The following USF3 variants were observed in gnomAD, a reference collection of about 807,000 sequenced individuals.
The protein encoded by USF3 is basic helix-loop-helix domain-containing protein USF3.
Under a neutral mutation model 157.5 loss-of-function variants are expected in USF3, and 29 were observed. That is an observed-to-expected ratio of 0.18 (90% CI 0.14 to 0.25). USF3 has a LOEUF of 0.25. USF3 is among the 10% of genes least tolerant of loss of function. The pLI is 1.00. For missense variants in USF3, 2,381 were observed against 2,667.6 expected (o/e 0.89, Z 2.37); for synonymous variants, 893 against 941.4 (o/e 0.95, Z 0.94).
At chr3:113,677,138 G>A (rs1314075476) in intron 2 of USF3, 144 bp downstream of exon 2, 1 of 152,172 alleles carries the variant, frequency 6.6e-6, no homozygotes, top group Admixed American at 6.5e-5. Flanking sequence ...ATGTCCAGCA[G>A]CTTATTCCTA....
At chr3:113,688,111 GC>G (rs1707598019) in intron 1 of USF3, among the ~76,000 whole-genome samples, 1 of 151,662 alleles carries the variant, frequency 6.6e-6, no homozygotes, top group African/African-American at 2.4e-5. Context: ...TGCAGGGAAG[GC>G]CCCCACTTTC....
Position 113,660,357 on chromosome 3 carries a change from G to T in USF3, c.1325C>A (p.Thr442Asn). 1 of 1,614,204 alleles carries T rather than the reference G, an allele frequency of 6.2e-7. No homozygotes were observed. The change falls in exon 7 of 7, where the codon ACT becomes AAT. Residue 442 changes from threonine (T) to asparagine (N), a missense_variant. Coordinates refer to ENST00000316407, the MANE Select transcript of USF3 (RefSeq NM_001009899.4). ...TGGTGTCTGGCTTAAGGGCTGAATA[G>T]TGTTTCCTGCCAGTTGCAAAGTAGT... ...TWTTLQLAGN[T>N]IQPLSQTPSS...
At chr3:113,677,651 C>G (rs1292547461) in intron 1 of USF3, among the ~76,000 whole-genome samples, 2 of 152,218 alleles carry the variant, frequency 1.3e-5, no homozygotes, top group African/African-American at 4.8e-5. Context: ...AGGGGATTCT[C>G]TGTTTTCTCT....
intron 2 of USF3, among the ~76,000 whole-genome samples, chr3:113,676,926 G>A (rs1707295522): frequency 6.6e-6 from 1 of 152,116 alleles, no homozygotes; most frequent in Admixed American, 6.6e-5. Context: ...AATTTTGCGG[G>A]TACAGCACAA....
Position 113,648,864 on chromosome 3 carries a change from T to C in USF3, c.*6080A>G, listed in dbSNP as rs965700067. ...TTATGTTCTCCTCAGATTTTTCAAC[T>C]TTTTTTTACCAAAGTGAAAATATAT... is the stretch of plus-strand genomic sequence containing the variant. On this transcript the variant is annotated 3_prime_UTR_variant, in exon 7 of 7. Transcript: ENST00000316407. The C allele has an allele frequency of 6.6e-6, 1 of 152,032 alleles. No homozygotes were observed. Among genetic ancestry groups the C allele is most frequent in the African/African-American group, 2.4e-5 (1 of 41,312 alleles). The allele number at this position is 152,032 out of a possible 1,614,324, so 9.4% of individuals were successfully genotyped here.
At position 113,659,472 on chromosome 3, in the gene USF3, G is replaced by T; in HGVS notation, c.2210C>A (p.Ser737Tyr). Residue 737 changes from serine (S) to tyrosine (Y), a missense_variant, in exon 7 of 7, where the codon TCT becomes TAT. By Grantham distance (144) the Ser-to-Tyr change is moderately radical (BLOSUM62 -2). Around this residue, in one of 6 missense-constraint regions of USF3, gnomAD observed 1,435 missense variants for 1,550.9 expected, o/e 0.93. Transcript: ENST00000316407. ...GGTTTGACTATTTGCAGCAGTTTGA[G>T]AATTGGCAGGCTGGCTAATAGACAA... ...VQLSISQPAN[S>Y]QTAANSQTTT... is the part of the protein sequence containing the mutation. 6.2e-7 allele frequency: 1 copy of T among 1,614,244 alleles called. No individual in the cohort carries two copies. The highest frequency in any genetic ancestry group is 8.5e-7 in the Non-Finnish European group (1 of 1,180,038).
At chr3:113,688,139 G>A (rs1300378368) in intron 1 of USF3, among the ~76,000 whole-genome samples, 1 of 149,288 alleles carries the variant, frequency 6.7e-6, no homozygotes, top group Admixed American at 6.6e-5. Flanking sequence ...TTTTTTTTGA[G>A]ACGGAGTCTC....
intron 4 of USF3, among the ~76,000 whole-genome samples, chr3:113,670,799 T>C (rs1292843713): frequency 1.3e-5 from 2 of 152,134 alleles, no homozygotes; most frequent in Non-Finnish European, 2.9e-5. Flanking sequence ...CAGGCTGGAG[T>C]GCAGCAGTGC....
rs752858659 is a variant in USF3 at position 113,658,648 on chromosome 3, C to A, written c.3034G>T (p.Ala1012Ser). 4 of 1,612,632 alleles carry A rather than the reference C, an allele frequency of 2.5e-6. No individual in the cohort carries two copies. The highest frequency in any genetic ancestry group is 3.4e-6 in the Non-Finnish European group (4 of 1,179,658). The stretch of plus-strand genomic sequence containing the variant: ...GATTTCTGAGGGTTTTTTTTTTTAG[C>A]AAGATCAGATAGCAATGTAGTTAAA... ...QGLTTLLSDL[A>S]KKKNPQKSSL... is the part of the protein sequence containing the mutation. The change falls in exon 7 of 7, where the codon GCT becomes TCT. Residue 1012 changes from alanine to serine, a missense_variant. Around this residue, in one of 6 missense-constraint regions of USF3, gnomAD observed 1,435 missense variants for 1,550.9 expected, o/e 0.93. Coordinates refer to ENST00000316407, the MANE Select transcript of USF3 (RefSeq NM_001009899.4).
At chr3:113,682,088 C>A (rs1257676356) in intron 1 of USF3, among the ~76,000 whole-genome samples, 1 of 152,110 alleles carries the variant, frequency 6.6e-6, no homozygotes, top group African/African-American at 2.4e-5. Context: ...CTTTGGGAGG[C>A]AGAAGTGGGA....
rs1469623580 is a variant in USF3 at position 113,657,522 on chromosome 3, A to C, written c.4160T>G (p.Val1387Gly). The change falls in exon 7 of 7, where the codon GTG becomes GGG. Residue 1387 changes from valine (V) to glycine (G), a missense_variant. Val to Gly is a moderately radical substitution (Grantham distance 109). Around this residue, in one of 6 missense-constraint regions of USF3, gnomAD observed 1,435 missense variants for 1,550.9 expected, o/e 0.93. Coordinates refer to ENST00000316407, the MANE Select transcript of USF3 (RefSeq NM_001009899.4). ...QIPPNSSNSV[V>G]PVSNPAHGDG... ...TCCATGAGCTGGGTTGCTAACAGGC[A>C]CAACTGAGTTTGAAGAATTAGGAGG... 14 of 1,614,168 alleles carry C rather than the reference A, an allele frequency of 8.7e-6. No individual in the cohort carries two copies. The highest frequency in any genetic ancestry group is 1.2e-5 in the Non-Finnish European group (14 of 1,180,032).
chr3:113,677,531 C>T (rs1469933818), intron 1 of USF3, 134 bp from the exon 2 acceptor site: 1 of 152,270 alleles, frequency 6.6e-6, no homozygotes, highest in Non-Finnish European at 1.5e-5. Context: ...ATTCTCCCCA[C>T]ACTTGAAAGC....
At chr3:113,673,176 C>G (rs959586823) in intron 4 of USF3, among the ~76,000 whole-genome samples, 172 bp downstream of exon 4, 9 of 152,116 alleles carry the variant, frequency 5.9e-5, no homozygotes, top group Non-Finnish European at 1.2e-4. Context: ...AGCAAGCCAT[C>G]TTCATGAGAC....
In USF3 at chr3:113,670,202, C is replaced by T; in HGVS notation, c.78G>A (p.Val26=). 6.3e-7 allele frequency: 1 copy of T among 1,595,762 alleles called. No homozygotes were observed. Among genetic ancestry groups the T allele is most frequent in the Non-Finnish European group, 8.6e-7 (1 of 1,163,212 alleles). Reference sequence around the variant, plus strand: ...TAATTTTCTTCTTTCTATGCCTCTCCACTAGATGGGAGAAAATTCGTTTAT... The same window carrying T: ...TAATTTTCTTCTTTCTATGCCTCTCTACTAGATGGGAGAAAATTCGTTTAT... ...RKKNRETHNA[V]ERHRKKKINA... Residue 26 remains valine, a splice_region_variant and synonymous_variant, in exon 5 of 7, where the codon GTG becomes GTA. Coordinates refer to ENST00000316407, the MANE Select transcript of USF3 (RefSeq NM_001009899.4).
At chr3:113,693,815 T>G (rs1707742153) in intron 1 of USF3, among the ~76,000 whole-genome samples, 1 of 152,126 alleles carries the variant, frequency 6.6e-6, no homozygotes, top group African/African-American at 2.4e-5. Flanking sequence ...ATTAGAACTA[T>G]TATTGGCGGT....
At chr3:113,673,498 A>G in intron 3 of USF3, 122 bp from the exon 4 acceptor site, 1 of 632,324 alleles carries the variant, frequency 1.6e-6, no homozygotes, top group Non-Finnish European at 2.8e-6. Flanking sequence ...AGCAATAAGA[A>G]ACAATCTGAA....
intron 1 of USF3, among the ~76,000 whole-genome samples, chr3:113,692,409 C>A (rs937668007): frequency 2.0e-5 from 3 of 151,642 alleles, no homozygotes; most frequent in African/African-American, 7.3e-5. Context: ...ACTGAGAATA[C>A]AAACATGAAA....
chr3:113,665,804 G>A (rs1947556493), intron 5 of USF3, among the ~76,000 whole-genome samples: 1 of 152,108 alleles, frequency 6.6e-6, no homozygotes, highest in Admixed American at 6.5e-5. Context: ...CTCCAGCTTG[G>A]GCAACAGAGT....
At chr3:113,687,244 C>A (rs1250208872) in intron 1 of USF3, among the ~76,000 whole-genome samples, 1 of 150,874 alleles carries the variant, frequency 6.6e-6, no homozygotes, top group Non-Finnish European at 1.5e-5. Flanking sequence ...CACACACACA[C>A]ACACACACAC....
Sources: gnomAD v4.1 joint callset for allele counts (sites outside exome capture counted in the v4.1 genomes callset) on GRCh38, gnomAD v4.1.1 for gene constraint, gnomAD v4.1.1 regional missense constraint, MANE v1.5 for transcripts, NCBI Gene and HGNC (gene_info 2026-07-23, HGNC 2026-07-21) for gene names.